The following PCDH15 variants were observed in gnomAD, a reference collection of about 807,000 sequenced individuals.
PCDH15 encodes the protein protocadherin related 15.
Under a neutral mutation model 178.5 loss-of-function variants are expected in PCDH15, and 129 were observed. The observed-to-expected ratio is 0.72, with a 90% CI of 0.63 to 0.84. PCDH15 has a LOEUF of 0.84. PCDH15 is among the 40% of genes least tolerant of loss of function. The probability of loss-of-function intolerance (pLI) is 0.00; values close to 1 mark genes in which losing one functional copy is unlikely to be tolerated. For synonymous variants in PCDH15, 800 were observed against 732.0 expected (o/e 1.09, Z -1.50); for missense variants, 2,230 against 2,099.9 (o/e 1.06, Z -1.21).
In PCDH15 at chr10:54,236,944, T is replaced by C; in HGVS notation, c.877-13A>G. On this transcript the variant is annotated splice_polypyrimidine_tract_variant and intron_variant, in intron 8 of 37. Transcript: ENST00000644397. ...GGTTCAGTTCTTCCTGAAAAAAAAA[T>C]TAAGAGAGTTTCATTCAGCCGCATT... is the stretch of plus-strand genomic sequence containing the variant. The C allele has an allele frequency of 2.5e-6, 4 of 1,580,728 alleles. No homozygotes were observed. Among genetic ancestry groups the C allele is most frequent in the Non-Finnish European group, 3.5e-6 (4 of 1,149,856 alleles).
At chr10:54,654,168 G>A (rs1391584152) in intron 2 of PCDH15, among the ~76,000 whole-genome samples, 1 of 152,086 alleles carries the variant, frequency 6.6e-6, no homozygotes, top group Non-Finnish European at 1.5e-5. Flanking sequence ...CCAGCTTCTG[G>A]TAACCACCAA....
intron 3 of PCDH15, among the ~76,000 whole-genome samples, chr10:54,428,456 T>A (rs2135960770): frequency 6.6e-6 from 1 of 152,330 alleles, no homozygotes; most frequent in South Asian, 2.1e-4. Context: ...ATGATTTATC[T>A]GAAATTTAAA....
intron 18 of PCDH15, among the ~76,000 whole-genome samples, chr10:54,050,121 T>C (rs1334998663): frequency 6.6e-6 from 1 of 152,144 alleles, no homozygotes; most frequent in Non-Finnish European, 1.5e-5. Context: ...TTTGGAATAG[T>C]TTCAGTAGGA....
At chr10:54,316,545 C>T (rs1252702240) in intron 8 of PCDH15, among the ~76,000 whole-genome samples, 1 of 97,346 alleles carries the variant, frequency 1.0e-5, no homozygotes, top group African/African-American at 5.2e-5. Flanking sequence ...CACACACACA[C>T]ACACACACAC....
chr10:53,876,172 A>T (rs2080214973), intron 26 of PCDH15, among the ~76,000 whole-genome samples: 1 of 145,440 alleles, frequency 6.9e-6, no homozygotes, highest in African/African-American at 2.6e-5. Flanking sequence ...CTTTAACTTG[A>T]GTCTTGTTTT....
intron 26 of PCDH15, among the ~76,000 whole-genome samples, chr10:53,891,602 A>G (rs1172840914): frequency 2.6e-5 from 4 of 152,130 alleles, no homozygotes; most frequent in African/African-American, 4.8e-5. Flanking sequence ...ATTTTCATGT[A>G]TCATGTCCAA....
chr10:55,567,805 G>A (rs1190248706), intron 2 of PCDH15, among the ~76,000 whole-genome samples: 2 of 151,052 alleles, frequency 1.3e-5, no homozygotes, highest in Admixed American at 6.6e-5. Flanking sequence ...TGCCACCCTC[G>A]AAACTTGTTA....
At chr10:53,968,299 A>C (rs2089270142) in intron 21 of PCDH15, among the ~76,000 whole-genome samples, 1 of 152,138 alleles carries the variant, frequency 6.6e-6, no homozygotes, top group South Asian at 2.1e-4. Flanking sequence ...CAGTGAGGCT[A>C]GGGGAGGGGC....
At position 55,211,647 on chromosome 10, in the gene PCDH15, T is replaced by C. The variant is rs565197865; in HGVS notation, c.-155-44996A>G. Among the ~76,000 whole-genome samples, 7 of 152,198 alleles carry C rather than the reference T, an allele frequency of 4.6e-5. No homozygotes were observed. The South Asian group carries it at 1.5e-3, about 32-fold the overall frequency. On this transcript the variant is annotated intron_variant, in intron 1 of 5. Transcript: ENST00000458638. ...TTCTAAATAGCATTAAGTGAAGTTA[T>C]TTTCCACTCAAAGACCAAATATTAA...
intron 2 of PCDH15, among the ~76,000 whole-genome samples, chr10:55,604,524 A>G (rs1259793011): frequency 1.4e-5 from 2 of 143,862 alleles, no homozygotes; most frequent in African/African-American, 5.1e-5. Flanking sequence ...ATGTAAAAGA[A>G]CAGAAATTAT....
intron 6 of PCDH15, among the ~76,000 whole-genome samples, chr10:54,342,742 C>G (rs976066737): frequency 1.3e-4 from 20 of 152,162 alleles, no homozygotes; most frequent in Non-Finnish European, 1.5e-5. Flanking sequence ...CCCTGCAGAG[C>G]CACAGGGACA....
chr10:55,289,644 T>G (rs1217030344), intron 1 of PCDH15, among the ~76,000 whole-genome samples: 2 of 152,112 alleles, frequency 1.3e-5, no homozygotes, highest in African/African-American at 4.8e-5. Flanking sequence ...ATCCATAAAT[T>G]TCCTAAAATT....
chr10:54,800,597 G>A (rs1952571549), intron 1 of PCDH15, among the ~76,000 whole-genome samples: 1 of 152,152 alleles, frequency 6.6e-6, no homozygotes, highest in Non-Finnish European at 1.5e-5. Context: ...GGAGGAAGTA[G>A]AAGAAGTGGT....
At chr10:54,378,749 A>T in intron 4 of PCDH15, 33 bp downstream of exon 4, 1 of 1,603,662 alleles carries the variant, frequency 6.2e-7, no homozygotes. Context: ...TAATAAACTT[A>T]TATTACAGGG....
At chr10:54,684,625 GA>G (rs1224837358) in intron 1 of PCDH15, among the ~76,000 whole-genome samples, 1 of 151,930 alleles carries the variant, frequency 6.6e-6, no homozygotes, top group African/African-American at 2.4e-5. Context: ...AATAACACTG[GA>G]AAAAATGTTT....
At chr10:54,549,514 G>A (rs2086291370) in intron 2 of PCDH15, among the ~76,000 whole-genome samples, 1 of 151,744 alleles carries the variant, frequency 6.6e-6, no homozygotes, top group Non-Finnish European at 1.5e-5. Flanking sequence ...CAGAGAATGT[G>A]GGTATACTAA....
intron 1 of PCDH15, among the ~76,000 whole-genome samples, chr10:55,297,606 CAA>C (rs965884593): frequency 3.3e-5 from 5 of 151,944 alleles, no homozygotes; most frequent in South Asian, 2.1e-4. Context: ...TTCATTCTCT[CAA>C]GACTCAATTT....
At chr10:53,829,453 G>A (rs932568245) in intron 30 of PCDH15, among the ~76,000 whole-genome samples, 6 of 152,156 alleles carry the variant, frequency 3.9e-5, no homozygotes, top group Non-Finnish European at 8.8e-5. Flanking sequence ...TTGCTAGCAG[G>A]ATATAATAAA....
chr10:55,348,673 TA>T (rs1198317790), intron 2 of PCDH15, among the ~76,000 whole-genome samples: 1 of 152,054 alleles, frequency 6.6e-6, no homozygotes, highest in Non-Finnish European at 1.5e-5. Flanking sequence ...AGAAGGAAAA[TA>T]AAAACTTTAA....
Sources: gnomAD v4.1 joint callset for allele counts (sites outside exome capture counted in the v4.1 genomes callset) on GRCh38, gnomAD v4.1.1 for gene constraint, MANE v1.5 for transcripts, NCBI Gene and HGNC (gene_info 2026-07-23, HGNC 2026-07-21) for gene names.